NALF1: variants seen among roughly 807,000 people sequenced by gnomAD.
NALF1 encodes NALCN channel auxiliary factor 1, also known as family with sequence similarity 155 member A.
In NALF1, 3 loss-of-function variants were observed where a neutral mutation model predicts 48.4. The observed-to-expected ratio is 0.06, with a 90% CI of 0.03 to 0.16. The LOEUF is 0.16. NALF1 is among the 10% of genes least tolerant of loss of function. The probability of loss-of-function intolerance (pLI) is 1.00; values close to 1 mark genes in which losing one functional copy is unlikely to be tolerated. For missense variants in NALF1, 526 were observed against 571.5 expected, an observed-to-expected ratio of 0.92 and a Z score of 0.81; for synonymous variants, 262 against 245.7, an observed-to-expected ratio of 1.07 and a Z score of -0.62.
At chr13:107,725,728 C>T (rs1876130679) in intron 1 of NALF1, among the ~76,000 whole-genome samples, 1 of 151,036 alleles carries the variant, frequency 6.6e-6, no homozygotes, top group African/African-American at 2.4e-5. Flanking sequence ...CTTAATTCAA[C>T]TCACTGACAT....
chr13:107,619,335 A>G (rs143673430), intron 1 of NALF1, among the ~76,000 whole-genome samples: 1 of 152,322 alleles, frequency 6.6e-6, no homozygotes, highest in African/African-American at 2.4e-5. Context: ...TACAGAGAGG[A>G]TGGAAGAGCA....
At chr13:107,221,354 G>A (rs1879989060) in intron 1 of NALF1, among the ~76,000 whole-genome samples, 1 of 152,134 alleles carries the variant, frequency 6.6e-6, no homozygotes, top group South Asian at 2.1e-4. Flanking sequence ...GAGGTGGGTG[G>A]AGCACCTGAG....
At chr13:107,442,250 T>A (rs1487149762) in intron 1 of NALF1, among the ~76,000 whole-genome samples, 1 of 152,164 alleles carries the variant, frequency 6.6e-6, no homozygotes, top group Non-Finnish European at 1.5e-5. Context: ...CCTAGCAAGA[T>A]TTAGGTCTCA....
intron 1 of NALF1, among the ~76,000 whole-genome samples, chr13:107,574,792 C>A (rs1032865824): frequency 1.3e-5 from 2 of 152,144 alleles, no homozygotes; most frequent in African/African-American, 4.8e-5. Flanking sequence ...CAATGAACAG[C>A]CTTTCCTTAG....
chr13:107,267,824 C>T (rs184024001), intron 1 of NALF1, among the ~76,000 whole-genome samples: 130 of 152,180 alleles, frequency 8.5e-4, no homozygotes, highest in African/African-American at 3.0e-3. Context: ...ATCTGATAAC[C>T]GCGATGGCTA....
chr13:107,799,429 C>A (rs1204004626), intron 1 of NALF1, among the ~76,000 whole-genome samples: 1 of 152,146 alleles, frequency 6.6e-6, no homozygotes, highest in Non-Finnish European at 1.5e-5. Flanking sequence ...ATGATATACA[C>A]TCAGTAAACA....
At chr13:107,174,562 G>A (rs1428429480) in intron 2 of NALF1, among the ~76,000 whole-genome samples, 2 of 151,732 alleles carry the variant, frequency 1.3e-5, no homozygotes, top group African/African-American at 2.4e-5. Flanking sequence ...TCACCATGTT[G>A]GCCAGGATGG....
intron 1 of NALF1, among the ~76,000 whole-genome samples, chr13:107,586,634 G>GTTT (rs1403213630): frequency 5.3e-4 from 3 of 5,666 alleles, no homozygotes; most frequent in South Asian, 7.9e-3. Flanking sequence ...CCCCTATGGA[G>GTTT]ATTTTTTTTT....
At chr13:107,615,479 T>G (rs1357692597) in intron 1 of NALF1, among the ~76,000 whole-genome samples, 5 of 152,194 alleles carry the variant, frequency 3.3e-5, no homozygotes, top group Admixed American at 2.6e-4. Flanking sequence ...CTGTTTCTTA[T>G]AATTATCTCC....
intron 1 of NALF1, among the ~76,000 whole-genome samples, chr13:107,681,325 A>T (rs893207052): frequency 2.6e-5 from 4 of 152,192 alleles, no homozygotes; most frequent in Admixed American, 2.0e-4. Flanking sequence ...CACTGACTTC[A>T]AATGAAATAA....
At chr13:107,388,285 G>A (rs1883564131) in intron 1 of NALF1, among the ~76,000 whole-genome samples, 1 of 152,186 alleles carries the variant, frequency 6.6e-6, no homozygotes, top group Non-Finnish European at 1.5e-5. Flanking sequence ...AATACTTTAT[G>A]TCTACTGACC....
rs74113915 is a variant in NALF1, at chr13:107,200,363, G to A, written c.1087+10221C>T. Among the ~76,000 whole-genome samples the A allele has an allele frequency of 7.8e-3, 1,194 of 152,290 alleles. 19 individuals carry two copies. The highest frequency in any genetic ancestry group is 0.027 in the African/African-American group (1,102 of 41,564). On this transcript the variant is annotated intron_variant, in intron 2 of 2. Coordinates refer to ENST00000375915, the MANE Select transcript of NALF1 (RefSeq NM_001080396.3). ...TCCCAAAGAGGAAGTGATGATGAAT[G>A]AGCTCGGGGGGCGGTGGGAAACAGG...
intron 1 of NALF1, among the ~76,000 whole-genome samples, chr13:107,736,231 G>C (rs893024980): frequency 6.9e-6 from 1 of 144,738 alleles, no homozygotes; most frequent in East Asian, 2.0e-4. Context: ...ACACGCGCGC[G>C]TGTACCTAAT....
intron 1 of NALF1, among the ~76,000 whole-genome samples, chr13:107,375,783 T>G (rs1232438924): frequency 6.6e-6 from 1 of 152,052 alleles, no homozygotes; most frequent in African/African-American, 2.4e-5. Context: ...AAAAGAATGT[T>G]CTAGAGAGGA....
chr13:107,547,113 G>C lies in NALF1; in HGVS notation c.915+318569C>G, dbSNP rs959446401. Among the ~76,000 whole-genome samples the C allele has an allele frequency of 2.0e-5, 3 of 152,152 alleles. 1 individual carries two copies. Among genetic ancestry groups the C allele is most frequent in the African/African-American group, 7.2e-5 (3 of 41,438 alleles). On this transcript the variant is annotated intron_variant, in intron 1 of 2. Transcript: ENST00000375915. ...GACACTTTGAGAGTGTCCAATAAAT[G>C]ATGAGCATTGATAATCATCACAATA...
intron 1 of NALF1, among the ~76,000 whole-genome samples, chr13:107,273,356 G>A (rs1202958293): frequency 1.3e-5 from 2 of 152,150 alleles, no homozygotes; most frequent in East Asian, 1.9e-4. Context: ...TCATTTTTGT[G>A]TGAAGGCTCC....
intron 1 of NALF1, among the ~76,000 whole-genome samples, chr13:107,683,464 AT>A (rs1566442782): frequency 6.6e-6 from 1 of 152,252 alleles, no homozygotes; most frequent in African/African-American, 2.4e-5. Flanking sequence ...CTGCAAAATA[AT>A]TTTAATTCTG....
At chr13:107,579,651 CT>C (rs1399933488) in intron 1 of NALF1, among the ~76,000 whole-genome samples, 135 of 129,618 alleles carry the variant, frequency 1.0e-3, no homozygotes, top group African/African-American at 1.6e-3. Flanking sequence ...AGCTATTTTT[CT>C]TTTTTTTTTT....
intron 1 of NALF1, among the ~76,000 whole-genome samples, chr13:107,722,886 G>A (rs1241881019): frequency 6.6e-6 from 1 of 152,218 alleles, no homozygotes; most frequent in Non-Finnish European, 1.5e-5. Flanking sequence ...CCAAGCGTAA[G>A]GCATTGCTGT....
Sources: gnomAD v4.1 joint callset for allele counts (sites outside exome capture counted in the v4.1 genomes callset) on GRCh38, gnomAD v4.1.1 for gene constraint, MANE v1.5 for transcripts, NCBI Gene and HGNC (gene_info 2026-07-23, HGNC 2026-07-21) for gene names.